The following PRKG1 variants were observed in gnomAD, a reference collection of about 807,000 sequenced individuals.
PRKG1 encodes the protein cGMP-dependent protein kinase 1.
In PRKG1, 35 loss-of-function variants were observed where a neutral mutation model predicts 88.1. The observed-to-expected ratio is 0.40, with a 90% CI of 0.30 to 0.53. The LOEUF (loss-of-function observed/expected upper bound fraction) is 0.53. PRKG1 is among the 20% of genes least tolerant of loss of function. PRKG1 has a pLI of 0.59. For synonymous variants in PRKG1, 303 were observed against 292.5 expected (o/e 1.04, Z -0.37); for missense variants, 540 against 839.8 (o/e 0.64, Z 4.41).
At chr10:52,115,343 A>G (rs1028198525) in intron 7 of PRKG1, among the ~76,000 whole-genome samples, 1 of 152,148 alleles carries the variant, frequency 6.6e-6, no homozygotes, top group Non-Finnish European at 1.5e-5. Context: ...TGTAGTCGAT[A>G]TAAAGCCATT....
At chr10:51,226,817 T>A (rs1383988486) in intron 2 of PRKG1, among the ~76,000 whole-genome samples, 1 of 152,158 alleles carries the variant, frequency 6.6e-6, no homozygotes, top group Non-Finnish European at 1.5e-5. Flanking sequence ...GATGGAAGTT[T>A]CAGGAAAATA....
At chr10:51,722,588 C>G (rs147202341) in intron 3 of PRKG1, among the ~76,000 whole-genome samples, 3 of 152,022 alleles carry the variant, frequency 2.0e-5, no homozygotes, top group African/African-American at 7.2e-5. Flanking sequence ...TTATGTATTA[C>G]ACCAACATTC....
intron 2 of PRKG1, among the ~76,000 whole-genome samples, chr10:51,301,987 C>G (rs545492751): frequency 1.3e-5 from 2 of 152,194 alleles, no homozygotes; most frequent in Non-Finnish European, 2.9e-5. Context: ...GTGACCTTAA[C>G]TAGTCCAGTT....
chr10:51,069,445 G>A (rs1343840590), intron 1 of PRKG1, among the ~76,000 whole-genome samples: 2 of 151,716 alleles, frequency 1.3e-5, no homozygotes, highest in East Asian at 1.9e-4. Flanking sequence ...TAATTCACAG[G>A]GAATCAATGT....
intron 2 of PRKG1, among the ~76,000 whole-genome samples, chr10:51,378,539 A>T (rs189543456): frequency 6.6e-6 from 1 of 152,322 alleles, no homozygotes; most frequent in East Asian, 1.9e-4. Flanking sequence ...AATTAATAGA[A>T]GAGGAGACTA....
intron 3 of PRKG1, among the ~76,000 whole-genome samples, chr10:51,725,823 G>A (rs566342582): frequency 2.0e-5 from 3 of 151,998 alleles, no homozygotes; most frequent in Admixed American, 6.6e-5. Flanking sequence ...TATTTTTTCA[G>A]TGATGGGGTT....
chr10:52,293,763 A>G, intron 17 of PRKG1, 39 bp from the exon 18 acceptor site: 1 of 1,539,268 alleles, frequency 6.5e-7, no homozygotes, highest in Non-Finnish European at 9.0e-7. Context: ...AATTCCACTA[A>G]AAAAAATCCA....
At chr10:51,594,172 T>A (rs1034319515) in intron 3 of PRKG1, among the ~76,000 whole-genome samples, 3 of 152,048 alleles carry the variant, frequency 2.0e-5, no homozygotes, top group African/African-American at 4.8e-5. Context: ...TAGAGGTGTA[T>A]GCCAACATGC....
intron 7 of PRKG1, among the ~76,000 whole-genome samples, chr10:52,101,737 T>G (rs1847298948): frequency 1.3e-5 from 2 of 152,238 alleles, no homozygotes; most frequent in African/African-American, 4.8e-5. Flanking sequence ...GCCAGTAGCT[T>G]CCAGAGCTAG....
chr10:52,017,331 A>G (rs577425681), intron 5 of PRKG1, among the ~76,000 whole-genome samples: 1 of 152,320 alleles, frequency 6.6e-6, no homozygotes, highest in South Asian at 2.1e-4. Context: ...ATCAAAATTA[A>G]TGCAGAAGTC....
At chr10:51,060,623 T>G (rs1435295998) in intron 1 of PRKG1, among the ~76,000 whole-genome samples, 1 of 152,156 alleles carries the variant, frequency 6.6e-6, no homozygotes, top group Admixed American at 6.5e-5. Flanking sequence ...ATATTATTGT[T>G]GTTAGATGTT....
intron 1 of PRKG1, among the ~76,000 whole-genome samples, chr10:51,014,318 C>CTTT (rs71029340): frequency 7.2e-6 from 1 of 138,012 alleles, no homozygotes. Flanking sequence ...CAGGCATTCT[C>CTTT]TTTTTTTTTT....
chr10:51,781,817 A>C lies in PRKG1; in HGVS notation c.593-22768A>C, dbSNP rs116391547. On this transcript the variant is annotated intron_variant, in intron 3 of 17. Coordinates refer to ENST00000373980, the MANE Select transcript of PRKG1 (RefSeq NM_006258.4). ...AGAAGTCCCTGTAATTCCCTTTTACAAACAAATCAAGTAAATAGTTATATG... is the reference window on the plus strand; with the variant it reads ...AGAAGTCCCTGTAATTCCCTTTTACCAACAAATCAAGTAAATAGTTATATG... 1.1e-3 allele frequency among the ~76,000 whole-genome samples: 165 copies of C among 152,220 alleles called. 1 individual carries two copies. Among genetic ancestry groups the C allele is most frequent in the African/African-American group, 3.8e-3 (158 of 41,562 alleles).
chr10:51,899,137 G>A (rs1289670508), intron 4 of PRKG1, among the ~76,000 whole-genome samples: 1 of 151,752 alleles, frequency 6.6e-6, no homozygotes, highest in African/African-American at 2.4e-5. Context: ...TATCTTGTAG[G>A]TATTCCGTGT....
chr10:51,487,303 A>G (rs1053046232), intron 3 of PRKG1, among the ~76,000 whole-genome samples: 1 of 152,200 alleles, frequency 6.6e-6, no homozygotes, highest in Non-Finnish European at 1.5e-5. Context: ...AGGAGATTAT[A>G]TTAATAATTT....
intron 2 of PRKG1, among the ~76,000 whole-genome samples, chr10:51,405,445 C>G (rs952040139): frequency 1.4e-4 from 21 of 152,176 alleles, no homozygotes; most frequent in Non-Finnish European, 2.9e-4. Flanking sequence ...GAGATAGCCA[C>G]TGCTAAAATT....
chr10:51,704,099 G>A (rs549526985), intron 3 of PRKG1, among the ~76,000 whole-genome samples: 12 of 143,190 alleles, frequency 8.4e-5, no homozygotes, highest in African/African-American at 1.1e-4. Flanking sequence ...AGCTGAGATC[G>A]CACCACTGCA....
At chr10:52,279,195 CT>C (rs1841944329) in intron 12 of PRKG1, among the ~76,000 whole-genome samples, 1 of 152,088 alleles carries the variant, frequency 6.6e-6, no homozygotes, top group Non-Finnish European at 1.5e-5. Flanking sequence ...CCCTTTGGAA[CT>C]ACATACAATT....
chr10:51,516,499 C>T (rs1365208346), intron 3 of PRKG1, among the ~76,000 whole-genome samples: 2 of 152,102 alleles, frequency 1.3e-5, no homozygotes, highest in African/African-American at 2.4e-5. Context: ...CCACTTTGGG[C>T]CATGGGTTTC....
Sources: gnomAD v4.1 joint callset for allele counts (sites outside exome capture counted in the v4.1 genomes callset) on GRCh38, gnomAD v4.1.1 for gene constraint, MANE v1.5 for transcripts, NCBI Gene and HGNC (gene_info 2026-07-23, HGNC 2026-07-21) for gene names.